TTC28: variants seen among roughly 807,000 people sequenced by gnomAD.
TTC28 encodes the protein tetratricopeptide repeat protein 28.
In TTC28, 61 loss-of-function variants were observed where a neutral mutation model predicts 198.0. That is an observed-to-expected ratio of 0.31 (90% CI 0.25 to 0.38). TTC28 has a LOEUF of 0.38. TTC28 is among the 10% of genes least tolerant of loss of function. The pLI is 1.00. For missense variants in TTC28, 2,678 were observed against 3,164.0 expected, an observed-to-expected ratio of 0.85 and a Z score of 3.69; for synonymous variants, 1,171 against 1,297.8, an observed-to-expected ratio of 0.90 and a Z score of 2.10.
intron 2 of TTC28, among the ~76,000 whole-genome samples, chr22:28,456,853 C>T (rs746011026): frequency 9.2e-5 from 14 of 152,222 alleles, no homozygotes; most frequent in Non-Finnish European, 2.1e-4. Flanking sequence ...GGATTACAGG[C>T]ATGTGCCACC....
At chr22:28,414,381 T>C (rs974384339) in intron 2 of TTC28, among the ~76,000 whole-genome samples, 2 of 152,108 alleles carry the variant, frequency 1.3e-5, no homozygotes, top group Admixed American at 1.3e-4. Flanking sequence ...TGATGGACAG[T>C]ATAAGGAGAG....
At chr22:28,190,073 T>G (rs914813649) in intron 5 of TTC28, among the ~76,000 whole-genome samples, 3 of 152,172 alleles carry the variant, frequency 2.0e-5, no homozygotes, top group African/African-American at 4.8e-5. Flanking sequence ...AGAGGTGAAG[T>G]AAATGGCCCA....
At chr22:28,626,725 T>C (rs2051082319) in intron 2 of TTC28, among the ~76,000 whole-genome samples, 1 of 152,094 alleles carries the variant, frequency 6.6e-6, no homozygotes, top group African/African-American at 2.4e-5. Context: ...CTATATTTTA[T>C]ATACTTTAAA....
intron 12 of TTC28, among the ~76,000 whole-genome samples, chr22:28,045,757 A>C (rs1041727998): frequency 3.3e-5 from 5 of 152,202 alleles, no homozygotes; most frequent in Non-Finnish European, 7.4e-5. Flanking sequence ...TGAGGTCAGG[A>C]GTTCAAGACC....
chr22:28,387,206 G>A (rs1212253254), intron 2 of TTC28, among the ~76,000 whole-genome samples: 1 of 152,188 alleles, frequency 6.6e-6, no homozygotes. Flanking sequence ...GTATTCCATG[G>A]TGTACATGTG....
At chr22:28,457,964 T>C (rs2047889558) in intron 2 of TTC28, among the ~76,000 whole-genome samples, 1 of 152,184 alleles carries the variant, frequency 6.6e-6, no homozygotes, top group Non-Finnish European at 1.5e-5. Flanking sequence ...AAATTATACG[T>C]GGTCTTTATT....
intron 2 of TTC28, among the ~76,000 whole-genome samples, chr22:28,429,061 G>GC (rs780662564): frequency 6.6e-5 from 10 of 152,142 alleles, no homozygotes; most frequent in Non-Finnish European, 1.5e-4. Flanking sequence ...TACTCAATTT[G>GC]CCTCCTCATT....
intron 2 of TTC28, among the ~76,000 whole-genome samples, chr22:28,590,294 A>AT (rs907421627): frequency 4.6e-5 from 7 of 150,916 alleles, no homozygotes; most frequent in Admixed American, 4.0e-4. Flanking sequence ...CACCCAGATA[A>AT]TTTTTTTTGT....
intron 11 of TTC28, 81 bp downstream of exon 11, chr22:28,096,109 T>G (rs1941963295): frequency 1.1e-5 from 16 of 1,444,750 alleles, no homozygotes; most frequent in Non-Finnish European, 1.4e-5. Context: ...TCTATGATAA[T>G]GCACCTATTC....
intron 2 of TTC28, among the ~76,000 whole-genome samples, chr22:28,361,462 T>C (rs746510946): frequency 6.6e-6 from 1 of 152,038 alleles, no homozygotes; most frequent in Non-Finnish European, 1.5e-5. Flanking sequence ...ACTATTCAGT[T>C]CTATGAAGTC....
At chr22:28,415,388 C>A (rs937053571) in intron 2 of TTC28, among the ~76,000 whole-genome samples, 2 of 151,768 alleles carry the variant, frequency 1.3e-5, no homozygotes, top group African/African-American at 2.4e-5. Flanking sequence ...AGAGAAAAAT[C>A]ATGTTGTTAA....
At chr22:28,638,129 A>T (rs567798738) in intron 1 of TTC28, among the ~76,000 whole-genome samples, 1 of 152,330 alleles carries the variant, frequency 6.6e-6, no homozygotes. Context: ...TGCAACTTTC[A>T]ACAATGGACA....
chr22:28,596,765 T>C (rs936627603), intron 2 of TTC28, among the ~76,000 whole-genome samples: 2 of 152,202 alleles, frequency 1.3e-5, no homozygotes, highest in Non-Finnish European at 2.9e-5. Context: ...TAATTTTGCA[T>C]AGCCTAAGAT....
intron 2 of TTC28, among the ~76,000 whole-genome samples, chr22:28,603,961 T>A (rs1024877492): frequency 1.3e-5 from 2 of 152,102 alleles, no homozygotes; most frequent in South Asian, 2.1e-4. Flanking sequence ...ATCTATCTTA[T>A]CACTTTAAAA....
intron 5 of TTC28, among the ~76,000 whole-genome samples, chr22:28,239,777 G>T (rs1252153890): frequency 6.6e-6 from 1 of 152,144 alleles, no homozygotes; most frequent in African/African-American, 2.4e-5. Flanking sequence ...GGCATATTCT[G>T]ATGAAGATGA....
At chr22:28,074,457 G>C (rs1195244158) in intron 12 of TTC28, among the ~76,000 whole-genome samples, 2 of 152,168 alleles carry the variant, frequency 1.3e-5, no homozygotes, top group Non-Finnish European at 1.5e-5. Context: ...GTTCTAATAG[G>C]AATGCCATCC....
chr22:28,158,745 G>A lies in TTC28; in HGVS notation c.1441+4347C>T, dbSNP rs140805214. ...TGAAACTAGACCCCTATCCCTTGTC[G>A]TATCTAAAAATCACATCAAAATTGA... is the stretch of plus-strand genomic sequence containing the variant. On this transcript the variant is annotated intron_variant, in intron 6 of 22. Coordinates refer to ENST00000397906, the MANE Select transcript of TTC28 (RefSeq NM_001145418.2). 1.9e-3 allele frequency among the ~76,000 whole-genome samples: 293 copies of A among 152,182 alleles called. 2 individuals carry two copies. The highest frequency in any genetic ancestry group is 6.7e-3 in the African/African-American group (277 of 41,534).
chr22:28,278,716 A>G (rs1032002098), intron 5 of TTC28, among the ~76,000 whole-genome samples: 1 of 152,244 alleles, frequency 6.6e-6, no homozygotes, highest in Non-Finnish European at 1.5e-5. Context: ...ATCAAAAAGC[A>G]CTGCCACTAT....
chr22:28,199,747 C>T (rs1273522506), intron 5 of TTC28, among the ~76,000 whole-genome samples: 1 of 151,480 alleles, frequency 6.6e-6, no homozygotes, highest in Non-Finnish European at 1.5e-5. Context: ...TAGCAGCATC[C>T]CTGACCTCTA....
Sources: gnomAD v4.1 joint callset for allele counts (sites outside exome capture counted in the v4.1 genomes callset) on GRCh38, gnomAD v4.1.1 for gene constraint, MANE v1.5 for transcripts, NCBI Gene and HGNC (gene_info 2026-07-23, HGNC 2026-07-21) for gene names.